KEL: variants seen among roughly 807,000 people sequenced by gnomAD.
KEL encodes the protein kell blood group glycoprotein.
In KEL, 96 loss-of-function variants were observed where a neutral mutation model predicts 99.5. That is an observed-to-expected ratio of 0.97 (90% CI 0.82 to 1.14). KEL has a LOEUF of 1.14. Among genes scored for constraint, KEL ranks in the 50% most tolerant of loss-of-function variants. The probability of loss-of-function intolerance (pLI) is 0.00; values close to 1 mark genes in which losing one functional copy is unlikely to be tolerated. For synonymous variants in KEL, 355 were observed against 354.8 expected (o/e 1.00, Z -0.01); for missense variants, 926 against 924.2 (o/e 1.00, Z -0.03).
intron 11 of KEL, 129 bp from the exon 12 acceptor site, chr7:142,944,870 G>T: frequency 4.1e-6 from 3 of 738,644 alleles, no homozygotes; most frequent in Non-Finnish European, 7.3e-6. Flanking sequence ...GCTGCTGCTA[G>T]AGGAGCAGCT....
chr7:142,954,187 G>T lies in KEL; in HGVS notation c.921C>A (p.Leu307=). 1 of 1,609,274 alleles carries T rather than the reference G, an allele frequency of 6.2e-7. No individual in the cohort carries two copies. Residue 307 remains leucine (L), a synonymous_variant, in exon 8 of 19, where the codon CTC becomes CTA. Transcript: ENST00000355265. ...KLFQMVTIDQ[L]KEMAPAIDWL... is the part of the protein sequence containing the mutation. ...TCTGGCCCCCAGTTCCAGGCACCTT[G>T]AGCTGGTCGATAGTGACCATCTGGA...
Position 142,954,451 on chromosome 7 carries a change from A to G in KEL, c.735+14T>C, listed in dbSNP as rs1433513242. Reference sequence around the variant, plus strand: ...GCCTCAGAGGGCAGGGCCTTTGTCCATGTGCCATCTTACCTGGGCATAGAT... The same window carrying G: ...GCCTCAGAGGGCAGGGCCTTTGTCCGTGTGCCATCTTACCTGGGCATAGAT... On this transcript the variant is annotated intron_variant, in intron 7 of 18. Coordinates refer to ENST00000355265, the MANE Select transcript of KEL (RefSeq NM_000420.3). The G allele has an allele frequency of 1.2e-6, 2 of 1,613,194 alleles. No individual in the cohort carries two copies. The highest frequency in any genetic ancestry group is 1.7e-6 in the Non-Finnish European group (2 of 1,179,148).
At position 142,962,051 on chromosome 7, in the gene KEL, C is replaced by G; in HGVS notation, c.3+153G>C. 6 of 1,610,044 alleles carry G rather than the reference C, an allele frequency of 3.7e-6. No homozygotes were observed. The South Asian group carries it at 6.6e-5, about 18-fold the overall frequency. Reference sequence around the variant, plus strand: ...AGAACGAACCTGTCCCCTGAATGTGCCATTTCTCGATCCCTCTCCCATTAC... The same window carrying G: ...AGAACGAACCTGTCCCCTGAATGTGGCATTTCTCGATCCCTCTCCCATTAC... On this transcript the variant is annotated intron_variant, in intron 1 of 18. Coordinates refer to ENST00000355265, the MANE Select transcript of KEL (RefSeq NM_000420.3).
At chr7:142,950,031 G>A (rs1251188832) in intron 10 of KEL, among the ~76,000 whole-genome samples, 2 of 152,174 alleles carry the variant, frequency 1.3e-5, no homozygotes, top group African/African-American at 4.8e-5. Flanking sequence ...AAAAGAATAT[G>A]ATCAGAAGTC....
rs759613043 is a variant in KEL at position 142,957,852 on chromosome 7, G to T, written c.647C>A (p.Ala216Asp). 1.6e-5 allele frequency: 26 copies of T among 1,614,120 alleles called. No individual in the cohort carries two copies. Among genetic ancestry groups the T allele is most frequent in the Non-Finnish European group, 2.2e-5 (26 of 1,180,024 alleles). The change falls in exon 6 of 19, where the codon GCC becomes GAC. Residue 216 changes from alanine (A) to aspartate (D), a missense_variant. Coordinates refer to ENST00000355265, the MANE Select transcript of KEL (RefSeq NM_000420.3). ...CTGGATGACTGGTGTGTGTGGAGAG[G>T]CAGGATGAGGTCCTAGGTAGGCTCT... ...FFRAYLGPHP[A>D]SPHTPVIQID...
At chr7:142,951,358 T>A (rs1373820091) in intron 10 of KEL, among the ~76,000 whole-genome samples, 1 of 152,212 alleles carries the variant, frequency 6.6e-6, no homozygotes, top group Non-Finnish European at 1.5e-5. Context: ...GGCTCTGGTC[T>A]GCTTCATCTG....
intron 6 of KEL, among the ~76,000 whole-genome samples, chr7:142,955,431 A>G (rs867203492): frequency 4.6e-5 from 7 of 152,134 alleles, no homozygotes; most frequent in Non-Finnish European, 7.4e-5. Context: ...ATTTTTTGGG[A>G]AAAAAAGCAT....
Position 142,942,439 on chromosome 7 carries a change from C to G in KEL, c.2032G>C (p.Ala678Pro). The G allele has an allele frequency of 6.3e-7, 1 of 1,589,470 alleles. No homozygotes were observed. Residue 678 changes from alanine to proline, a missense_variant, in exon 18 of 19, where the codon GCC becomes CCC. Coordinates refer to ENST00000355265, the MANE Select transcript of KEL (RefSeq NM_000420.3). ...GGGAGGTGGCCGCTGCCTACCTGGG[C>G]ATAGCTTCGAAAGAAGATCTGCTGG... ...SPQQIFFRSY[A>P]QVMCRKPSPQ...
At chr7:142,942,269 T>C (rs1254797677) in intron 18 of KEL, 165 bp downstream of exon 18, 2 of 639,376 alleles carry the variant, frequency 3.1e-6, no homozygotes, top group African/African-American at 3.6e-5. Flanking sequence ...TGAGGGGTGA[T>C]TCCAAGGGGT....
intron 15 of KEL, 66 bp from the exon 16 acceptor site, chr7:142,943,409 C>T (rs958115104): frequency 3.5e-5 from 56 of 1,608,388 alleles, no homozygotes; most frequent in Middle Eastern, 3.3e-4. Context: ...ATTCTCCAAC[C>T]GTAAGTCCCA....
intron 3 of KEL, 66 bp from the exon 4 acceptor site, chr7:142,961,170 G>A (rs2116352943): frequency 6.3e-7 from 1 of 1,578,068 alleles, no homozygotes; most frequent in South Asian, 1.1e-5. Flanking sequence ...CAAGGGGCTA[G>A]GCAAAGAACA....
chr7:142,943,178 C>G, intron 16 of KEL, 98 bp downstream of exon 16: 1 of 1,553,504 alleles, frequency 6.4e-7, no homozygotes, highest in Non-Finnish European at 8.8e-7. Context: ...TGCCCCACCT[C>G]AAACCCTCAA....
chr7:142,957,731 C>T (rs1796860549), intron 6 of KEL, 96 bp downstream of exon 6: 2 of 1,471,298 alleles, frequency 1.4e-6, no homozygotes, highest in Non-Finnish European at 9.5e-7. Context: ...ACACAGGTGT[C>T]CTCTCTTCCC....
rs988357545 is a variant in KEL at position 142,961,162 on chromosome 7, A to G, written c.224-58T>C. On this transcript the variant is annotated intron_variant, in intron 3 of 18. Transcript: ENST00000355265. Reference sequence around the variant, plus strand: ...AGGCAAAAAGACAAGGGCTCCCCCAAGGGGCTAGGCAAAGAACATCAGGTG... The same window carrying G: ...AGGCAAAAAGACAAGGGCTCCCCCAGGGGGCTAGGCAAAGAACATCAGGTG... The G allele has an allele frequency of 1.9e-6, 3 of 1,594,200 alleles. No homozygotes were observed. The South Asian group carries it at 3.3e-5, about 18-fold the overall frequency.
At chr7:142,959,126 G>A (rs1796897632) in intron 4 of KEL, among the ~76,000 whole-genome samples, 1 of 152,122 alleles carries the variant, frequency 6.6e-6, no homozygotes, top group South Asian at 2.1e-4. Context: ...CATGGGCCAT[G>A]GTCACTCATA....
At chr7:142,954,603 T>C in intron 6 of KEL, 76 bp from the exon 7 acceptor site, 1 of 1,276,166 alleles carries the variant, frequency 7.8e-7, no homozygotes, top group South Asian at 1.2e-5. Flanking sequence ...GTGGGGAATA[T>C]ACCATGGGAG....
At chr7:142,946,765 C>T (rs1796543763) in intron 10 of KEL, among the ~76,000 whole-genome samples, 2 of 152,200 alleles carry the variant, frequency 1.3e-5, no homozygotes, top group Admixed American at 1.3e-4. Context: ...TGTCCTACCA[C>T]CATCACCTTT....
In KEL at chr7:142,944,667, C is replaced by T; in HGVS notation, c.1389G>A (p.Glu463=). 1.2e-6 allele frequency: 2 copies of T among 1,614,086 alleles called. No homozygotes were observed. The highest frequency in any genetic ancestry group is 2.2e-5 in the South Asian group (2 of 91,084). The change falls in exon 12 of 19, where the codon GAG becomes GAA. Residue 463 remains glutamate (E), a synonymous_variant. Transcript: ENST00000355265. The part of the protein sequence containing the change: ...RLRNLPWMNE[E]TQNMAQDKVA... ...CCTTGTCCTGGGCCATGTTCTGGGT[C>T]TCCTCATTCATCCAGGGAAGGTTTC...
chr7:142,944,179 T>TC, intron 13 of KEL, 144 bp downstream of exon 13: 2 of 771,478 alleles, frequency 2.6e-6, no homozygotes, highest in Non-Finnish European at 4.7e-6. Context: ...TGTGGATATT[T>TC]CCCCATCAAC....
Sources: allele counts gnomAD v4.1 joint callset (sites outside exome capture counted in the v4.1 genomes callset), GRCh38; gene constraint gnomAD v4.1.1; transcripts MANE v1.5; gene names NCBI Gene and HGNC (gene_info 2026-07-23, HGNC 2026-07-21).